The following PEBP4 variants were observed in gnomAD, a reference collection of about 807,000 sequenced individuals.
PEBP4 encodes phosphatidylethanolamine-binding protein 4.
Under a neutral mutation model 23.9 loss-of-function variants are expected in PEBP4, and 22 were observed. The ratio of observed to expected loss-of-function variants is 0.92; its 90% CI spans 0.66 to 1.31. The LOEUF (loss-of-function observed/expected upper bound fraction) is 1.31. Ranked by LOEUF, PEBP4 falls within the 40% of genes most tolerant of loss-of-function variation. The pLI, the probability that PEBP4 is intolerant of heterozygous loss-of-function variation, is 0.00. For synonymous variants in PEBP4, 112 were observed against 99.3 expected, an observed-to-expected ratio of 1.13 and a Z score of -0.76; for missense variants, 324 against 281.7, an observed-to-expected ratio of 1.15 and a Z score of -1.07.
chr8:22,923,041 G>A (rs10503721), intron 2 of PEBP4, among the ~76,000 whole-genome samples: 11,191 of 152,248 alleles, frequency 0.074, 538 homozygotes, highest in Middle Eastern at 0.14. Flanking sequence ...ATACCTTGAG[G>A]CAGCTGTTAT....
intron 4 of PEBP4, among the ~76,000 whole-genome samples, chr8:22,793,302 C>T (rs756202026): frequency 5.3e-5 from 8 of 152,000 alleles, no homozygotes; most frequent in Non-Finnish European, 8.8e-5. Flanking sequence ...AGTTTCACTC[C>T]GTCACCTAGG....
At chr8:22,737,392 C>T (rs1233317434) in intron 4 of PEBP4, among the ~76,000 whole-genome samples, 4 of 151,832 alleles carry the variant, frequency 2.6e-5, no homozygotes, top group East Asian at 1.9e-4. Context: ...ATGTTTATGT[C>T]GTGGCCATCA....
intron 3 of PEBP4, chr8:22,895,777 T>A (rs1439758078): frequency 1.3e-5 from 2 of 152,252 alleles, no homozygotes; most frequent in South Asian, 4.1e-4. Context: ...TCAAGTTCAC[T>A]GATTTTTCCA....
At chr8:22,826,508 G>A (rs868554660) in intron 3 of PEBP4, among the ~76,000 whole-genome samples, 4 of 152,186 alleles carry the variant, frequency 2.6e-5, no homozygotes, top group African/African-American at 9.7e-5. Context: ...AATAACTCAA[G>A]TGCCCATGAG....
At chr8:22,902,403 A>G (rs1298139187) in intron 3 of PEBP4, among the ~76,000 whole-genome samples, 1 of 152,214 alleles carries the variant, frequency 6.6e-6, no homozygotes, top group Non-Finnish European at 1.5e-5. Context: ...TCATGTCCGT[A>G]ATGGACCACA....
In PEBP4 at chr8:22,795,163, A is replaced by ATTTTTTTT. The variant is rs33911395; in HGVS notation, c.357+22466_357+22473dup. Among the ~76,000 whole-genome samples the ATTTTTTTT allele has an allele frequency of 5.5e-4, 26 of 47,336 alleles. 3 individuals carry two copies. The highest frequency in any genetic ancestry group is 6.9e-4 in the Admixed American group (2 of 2,916). The allele number at this position is 47,336 out of a possible 152,430, so 31.1% of individuals were successfully genotyped here. ...TGTGTGTATATATATATATATATATATTTTTTTTTTTTTTTTTTTTTTTTT... is the reference window on the plus strand; with the variant it reads ...TGTGTGTATATATATATATATATATATTTTTTTTTTTTTTTTTTTTTTTTTTTTTTTTT... On this transcript the variant is annotated intron_variant, in intron 4 of 6. Coordinates refer to ENST00000256404, the MANE Select transcript of PEBP4 (RefSeq NM_144962.3).
At chr8:22,898,886 G>A (rs147519079) in intron 3 of PEBP4, among the ~76,000 whole-genome samples, 267 of 152,338 alleles carry the variant, frequency 1.8e-3, no homozygotes, top group African/African-American at 5.9e-3. Flanking sequence ...AGTTCAGGAA[G>A]GCAGAGAGGG....
intron 4 of PEBP4, among the ~76,000 whole-genome samples, chr8:22,789,974 G>A (rs1220805591): frequency 6.6e-6 from 1 of 152,176 alleles, no homozygotes; most frequent in African/African-American, 2.4e-5. Flanking sequence ...GGCCTTCCAG[G>A]ATGGGGAGTC....
chr8:22,740,720 C>T (rs113100397), intron 4 of PEBP4, among the ~76,000 whole-genome samples: 1 of 152,166 alleles, frequency 6.6e-6, no homozygotes, highest in East Asian at 1.9e-4. Context: ...CCCCCTGTGG[C>T]CCCAGCTCTC....
At chr8:22,750,193 G>A (rs1024165713) in intron 4 of PEBP4, among the ~76,000 whole-genome samples, 10 of 151,180 alleles carry the variant, frequency 6.6e-5, no homozygotes, top group African/African-American at 1.5e-4. Flanking sequence ...CCTCCACCTC[G>A]CGGGTTCAAG....
chr8:22,785,471 G>C (rs1178468477), intron 4 of PEBP4, among the ~76,000 whole-genome samples: 1 of 152,152 alleles, frequency 6.6e-6, no homozygotes, highest in African/African-American at 2.4e-5. Flanking sequence ...CTCTGGAATG[G>C]GGTAAGGCTC....
rs1384412408 is a variant in PEBP4, at chr8:22,865,947, C to T, written c.259-48212G>A. 6.6e-6 allele frequency among the ~76,000 whole-genome samples: 1 copy of T among 152,052 alleles called. No homozygotes were observed. Among genetic ancestry groups the T allele is most frequent in the Non-Finnish European group, 1.5e-5 (1 of 67,976 alleles). ...CCTCGAGGTGTGGCCCGGCGCCGGG[C>T]GGTGCTGCCCGGAGAGCGCGCAGCC... On this transcript the variant is annotated intron_variant, in intron 3 of 6. Transcript: ENST00000256404. This position sits in a 1 kb window ranked among gnomAD's most constrained non-coding sequence, Gnocchi z 6.9.
intron 5 of PEBP4, among the ~76,000 whole-genome samples, chr8:22,726,021 G>GTA (rs889478248): frequency 2.0e-5 from 3 of 151,422 alleles, no homozygotes; most frequent in African/African-American, 7.3e-5. Context: ...GTGTGTGTGT[G>GTA]TGTGTGTGTG....
chr8:22,715,724 C>T (rs1266785350), intron 6 of PEBP4, among the ~76,000 whole-genome samples: 1 of 152,190 alleles, frequency 6.6e-6, no homozygotes, highest in Non-Finnish European at 1.5e-5. Flanking sequence ...CCCTGGCCAG[C>T]TCCTGAAACC....
chr8:22,887,703 T>C (rs1450525559), intron 3 of PEBP4: 1 of 152,150 alleles, frequency 6.6e-6, no homozygotes, highest in Non-Finnish European at 1.5e-5. Flanking sequence ...AAGTCGAGGC[T>C]GCAGTGAGCC....
At chr8:22,827,397 T>TC (rs1266759697) in intron 3 of PEBP4, among the ~76,000 whole-genome samples, 3 of 152,138 alleles carry the variant, frequency 2.0e-5, no homozygotes, top group Admixed American at 2.0e-4. Context: ...CATTCCTTAT[T>TC]CCCCCCGCCA....
At chr8:22,738,350 T>C (rs1804915780) in intron 4 of PEBP4, among the ~76,000 whole-genome samples, 2 of 151,972 alleles carry the variant, frequency 1.3e-5, no homozygotes, top group Admixed American at 1.3e-4. Flanking sequence ...AGGTGGGGGC[T>C]CTGGAGCGGG....
At chr8:22,927,496 T>G in intron 2 of PEBP4, 88 bp downstream of exon 2, 1 of 1,445,318 alleles carries the variant, frequency 6.9e-7, no homozygotes, top group Non-Finnish European at 9.2e-7. Context: ...CAGGAGATGG[T>G]GCTTCTTGGT....
At chr8:22,721,147 G>A (rs17088580) in intron 6 of PEBP4, among the ~76,000 whole-genome samples, 9,520 of 152,188 alleles carry the variant, frequency 0.063, 457 homozygotes, top group East Asian at 0.21. Context: ...GGCTGGCTGG[G>A]AAAGTCGAGC....
Sources: allele counts gnomAD v4.1 joint callset (sites outside exome capture counted in the v4.1 genomes callset), GRCh38; gene constraint gnomAD v4.1.1; non-coding constraint Gnocchi (gnomAD v3.1); transcripts MANE v1.5; gene names NCBI Gene and HGNC (gene_info 2026-07-23, HGNC 2026-07-21).